The following MCUB variants were observed in gnomAD, a reference collection of about 807,000 sequenced individuals.
The protein encoded by MCUB is calcium uniporter regulatory subunit MCUb, mitochondrial.
Under a neutral mutation model 41.4 loss-of-function variants are expected in MCUB, and 46 were observed. That is an observed-to-expected ratio of 1.11 (90% CI 0.88 to 1.42). The LOEUF is 1.42. Ranked by LOEUF, MCUB falls within the 40% of genes most tolerant of loss-of-function variation. The pLI, the probability that MCUB is intolerant of heterozygous loss-of-function variation, is 0.00. For synonymous variants in MCUB, 148 were observed against 148.2 expected, an observed-to-expected ratio of 1.00 and a Z score of 0.01; for missense variants, 403 against 404.9, an observed-to-expected ratio of 1.00 and a Z score of 0.04.
At chr4:109,662,533 A>G (rs1271169962) in intron 3 of MCUB, among the ~76,000 whole-genome samples, 2 of 152,236 alleles carry the variant, frequency 1.3e-5, no homozygotes. Flanking sequence ...GAAGTCTTAG[A>G]GAAAAGGGAC....
In MCUB at chr4:109,612,922, C is replaced by T. The variant is rs112235511; in HGVS notation, c.100-46089C>T. On this transcript the variant is annotated intron_variant, in intron 1 of 7. Coordinates refer to ENST00000394650, the MANE Select transcript of MCUB (RefSeq NM_017918.5). Reference sequence around the variant, plus strand: ...GAGATCAAGACCATCCTGGCTAACACGGTGAAATCCCGTCTCTACTAAAAA... The same window carrying T: ...GAGATCAAGACCATCCTGGCTAACATGGTGAAATCCCGTCTCTACTAAAAA... Among the ~76,000 whole-genome samples the T allele has an allele frequency of 8.8e-3, 1,332 of 152,112 alleles. 15 individuals carry two copies. Among genetic ancestry groups the T allele is most frequent in the African/African-American group, 0.026 (1,083 of 41,512 alleles).
At chr4:109,620,702 A>C (rs1416677927) in intron 1 of MCUB, among the ~76,000 whole-genome samples, 5 of 151,846 alleles carry the variant, frequency 3.3e-5, no homozygotes, top group African/African-American at 1.2e-4. Context: ...AGTTGATTAA[A>C]AGTAAAGAGT....
At chr4:109,663,189 A>G (rs753541978) in intron 3 of MCUB, among the ~76,000 whole-genome samples, 13 of 152,232 alleles carry the variant, frequency 8.5e-5, no homozygotes, top group Non-Finnish European at 1.8e-4. Context: ...GGATTTGAAA[A>G]TACACATCCA....
intron 7 of MCUB, among the ~76,000 whole-genome samples, chr4:109,687,155 G>A (rs1248396888): frequency 1.3e-5 from 2 of 151,992 alleles, no homozygotes; most frequent in Non-Finnish European, 2.9e-5. Context: ...AGGAGTTCAA[G>A]ACCAGCCAGA....
At chr4:109,570,866 T>G (rs1726897439) in intron 1 of MCUB, among the ~76,000 whole-genome samples, 1 of 152,154 alleles carries the variant, frequency 6.6e-6, no homozygotes, top group Non-Finnish European at 1.5e-5. Flanking sequence ...TGTGTAGAGA[T>G]TTCAGCAGTT....
chr4:109,668,206 A>G (rs1306973917), intron 4 of MCUB, among the ~76,000 whole-genome samples: 1 of 151,990 alleles, frequency 6.6e-6, no homozygotes, highest in Non-Finnish European at 1.5e-5. Context: ...TGCTTGGCAG[A>G]TCTGTCCATT....
chr4:109,672,104 G>A (rs1382020790), intron 4 of MCUB, among the ~76,000 whole-genome samples: 2 of 151,942 alleles, frequency 1.3e-5, no homozygotes, highest in African/African-American at 4.8e-5. Flanking sequence ...AATTGGGCCT[G>A]TGTCTCTAAA....
chr4:109,656,951 G>A (rs866178499), intron 1 of MCUB, among the ~76,000 whole-genome samples: 12 of 152,164 alleles, frequency 7.9e-5, no homozygotes, highest in Middle Eastern at 3.2e-3. Flanking sequence ...CGGGTGTGGT[G>A]GGTCACGCCT....
At chr4:109,584,617 G>A (rs1318162642) in intron 1 of MCUB, among the ~76,000 whole-genome samples, 2 of 152,134 alleles carry the variant, frequency 1.3e-5, no homozygotes, top group East Asian at 3.9e-4. Context: ...TCCACACATT[G>A]CTTTAAATGT....
chr4:109,590,716 C>T (rs1727416635), intron 1 of MCUB, among the ~76,000 whole-genome samples: 1 of 152,076 alleles, frequency 6.6e-6, no homozygotes, highest in South Asian at 2.1e-4. Context: ...TTCTGTTGAC[C>T]TCTATAGAAG....
At chr4:109,639,323 G>A (rs1427352541) in intron 1 of MCUB, among the ~76,000 whole-genome samples, 2 of 151,816 alleles carry the variant, frequency 1.3e-5, no homozygotes, top group African/African-American at 4.8e-5. Context: ...GAACAGATAC[G>A]TGAGCAGTAA....
Position 109,607,378 on chromosome 4 carries a change from C to A in MCUB, c.99+46942C>A, listed in dbSNP as rs146525646. Among the ~76,000 whole-genome samples the A allele has an allele frequency of 3.2e-3, 481 of 152,196 alleles. 8 individuals are homozygous for A. The East Asian group carries it at 0.057, about 18-fold the overall frequency. On this transcript the variant is annotated intron_variant, in intron 1 of 7. Transcript: ENST00000394650. ...GATTACAGGTGCTTGCCACCACGCC[C>A]GGCTAATTTTTGTATTTTAAGTAGA... is the stretch of plus-strand genomic sequence containing the variant.
chr4:109,600,438 T>C (rs1727704574), intron 1 of MCUB, among the ~76,000 whole-genome samples: 1 of 152,214 alleles, frequency 6.6e-6, no homozygotes, highest in Non-Finnish European at 1.5e-5. Context: ...TCAGATGCCA[T>C]GAGTATGCTA....
At chr4:109,585,019 G>T (rs1298650407) in intron 1 of MCUB, among the ~76,000 whole-genome samples, 1 of 151,946 alleles carries the variant, frequency 6.6e-6, no homozygotes, top group Non-Finnish European at 1.5e-5. Context: ...TAATATTCTG[G>T]CTTGTTGATC....
chr4:109,604,499 T>C (rs1234599020), intron 1 of MCUB, among the ~76,000 whole-genome samples: 1 of 152,250 alleles, frequency 6.6e-6, no homozygotes, highest in Non-Finnish European at 1.5e-5. Context: ...CCAGTTTGGA[T>C]GCCCTTTATT....
intron 1 of MCUB, among the ~76,000 whole-genome samples, chr4:109,620,897 TTC>T (rs1241513605): frequency 1.4e-4 from 15 of 110,448 alleles, no homozygotes; most frequent in African/African-American, 3.7e-4. Context: ...AACATTCTTC[TTC>T]TTTTTTTTTT....
At chr4:109,606,422 C>G (rs983543884) in intron 1 of MCUB, among the ~76,000 whole-genome samples, 3 of 151,988 alleles carry the variant, frequency 2.0e-5, no homozygotes, top group African/African-American at 7.2e-5. Context: ...TTGTGGTTTT[C>G]TCTTCCTTCT....
chr4:109,578,548 G>A lies in MCUB; in HGVS notation c.99+18112G>A, dbSNP rs1727088778. Among the ~76,000 whole-genome samples, 2 of 151,520 alleles carry A rather than the reference G, an allele frequency of 1.3e-5. 1 individual carries two copies. Among genetic ancestry groups the A allele is most frequent in the South Asian group, 4.2e-4 (2 of 4,796 alleles). On this transcript the variant is annotated intron_variant, in intron 1 of 7. Transcript: ENST00000394650. ...GTTACCCAGGCTAGAGTCCAGAGAT[G>A]CTATCTATCATAGCTTACTTAGCTT...
chr4:109,662,499 CAGAA>C (rs765230302), intron 3 of MCUB, among the ~76,000 whole-genome samples: 9 of 152,158 alleles, frequency 5.9e-5, no homozygotes, highest in South Asian at 2.1e-4. Context: ...AGCTTTGAAA[CAGAA>C]AGCACAAAGA....
Sources: gnomAD v4.1 joint callset for allele counts (sites outside exome capture counted in the v4.1 genomes callset) on GRCh38, gnomAD v4.1.1 for gene constraint, MANE v1.5 for transcripts, NCBI Gene and HGNC (gene_info 2026-07-23, HGNC 2026-07-21) for gene names.